The following ARID3A variants were observed in gnomAD, a reference collection of about 807,000 sequenced individuals.
ARID3A encodes AT-rich interactive domain-containing protein 3A.
In ARID3A, 11 loss-of-function variants were observed where a neutral mutation model predicts 52.7. The ratio of observed to expected loss-of-function variants is 0.21; its 90% CI spans 0.13 to 0.35. The LOEUF is 0.35. Ranked by LOEUF, ARID3A falls within the 10% of genes least tolerant of loss-of-function variation. The pLI is 1.00. For missense variants in ARID3A, 721 were observed against 838.5 expected, an observed-to-expected ratio of 0.86 and a Z score of 1.73; for synonymous variants, 404 against 359.4, an observed-to-expected ratio of 1.12 and a Z score of -1.40.
At position 944,241 on chromosome 19, in the gene ARID3A, C is replaced by T. The variant is rs947724805; in HGVS notation, c.693+11499C>T. Among the ~76,000 whole-genome samples, 4 of 152,064 alleles carry T rather than the reference C, an allele frequency of 2.6e-5. No individual in the cohort carries two copies. Among genetic ancestry groups the T allele is most frequent in the Admixed American group, 6.5e-5 (1 of 15,288 alleles). On this transcript the variant is annotated intron_variant, in intron 3 of 8. Coordinates refer to ENST00000263620, the MANE Select transcript of ARID3A (RefSeq NM_005224.3). This position sits in a 1 kb window ranked among gnomAD's most constrained non-coding sequence, Gnocchi z 5.9. ...GGCACTGGAGTCCTGACGTCGGCAG[C>T]GCGGTGGAGGGCGGGCCTGTCTCGC...
chr19:955,670 G>C (rs572917679), intron 3 of ARID3A, among the ~76,000 whole-genome samples: 3 of 152,276 alleles, frequency 2.0e-5, no homozygotes, highest in African/African-American at 7.2e-5. Flanking sequence ...ACTGAGGCAG[G>C]AGGTGCGGTG....
rs113686728 is a variant in ARID3A, at chr19:965,527, C to CA, written c.1198+464dup. Among the ~76,000 whole-genome samples, 949 of 125,360 alleles carry CA rather than the reference C, an allele frequency of 7.6e-3. 4 individuals carry two copies. Among genetic ancestry groups the CA allele is most frequent in the South Asian group, 0.02 (78 of 3,898 alleles). 82.2% of individuals were successfully genotyped at this position (125,360 alleles called of 152,430 possible). On this transcript the variant is annotated intron_variant, in intron 6 of 8. Transcript: ENST00000263620. ...TGGGCAACATAGTGAGACCCCATCT[C>CA]AAAAAAAAAAAAAAAAATTAGCTGG...
intron 3 of ARID3A, among the ~76,000 whole-genome samples, chr19:957,823 A>C (rs547098703): frequency 6.8e-6 from 1 of 147,654 alleles, no homozygotes; most frequent in East Asian, 2.0e-4. Context: ...CAGGCTGGGC[A>C]ACAGAGTGAG....
intron 1 of ARID3A, chr19:928,118 G>C (rs925058487): frequency 5.9e-5 from 9 of 152,344 alleles, no homozygotes; most frequent in African/African-American, 9.7e-5. Flanking sequence ...CAGGAGCTGT[G>C]TATGAGTCTT....
chr19:943,474 A>C (rs2037601307), intron 3 of ARID3A, among the ~76,000 whole-genome samples: 1 of 152,020 alleles, frequency 6.6e-6, no homozygotes, highest in Non-Finnish European at 1.5e-5. Context: ...AAGCTGAGGC[A>C]GGAGAATTGT....
At chr19:935,256 C>T (rs893469364) in intron 3 of ARID3A, among the ~76,000 whole-genome samples, 8 of 152,342 alleles carry the variant, frequency 5.3e-5, no homozygotes, top group South Asian at 2.1e-4. Flanking sequence ...GGCCAGGCCG[C>T]GGCGGGGGGC....
rs771196530 is a variant in ARID3A, at chr19:932,427, A to G, written c.378A>G (p.Lys126=). The G allele has an allele frequency of 1.2e-5, 19 of 1,593,052 alleles. No homozygotes were observed. The South Asian group carries it at 1.6e-4, about 13-fold the overall frequency. ...CCTCTGCTCACCCCAGGAAGCCCAA[A>G]TGGGAGGAGGAGGAGATGGAGGAAG... is the stretch of plus-strand genomic sequence containing the variant. The part of the protein sequence containing the change: ...DMASDEDMKP[K]WEEEEMEEDL... Residue 126 remains lysine, a synonymous_variant, in exon 3 of 9, where the codon AAA becomes AAG. Coordinates refer to ENST00000263620, the MANE Select transcript of ARID3A (RefSeq NM_005224.3).
rs549000931 is a variant in ARID3A at position 974,723 on chromosome 19, G to A, written c.*2658G>A. On this transcript the variant is annotated 3_prime_UTR_variant, in exon 9 of 9. Coordinates refer to ENST00000263620, the MANE Select transcript of ARID3A (RefSeq NM_005224.3). The stretch of plus-strand genomic sequence containing the variant: ...GCCGTGCAGGGTCGAGGGCTGGGTC[G>A]TCTCCCTCGGGCTGCGTGTGTGTGT... The A allele has an allele frequency of 1.8e-4, 41 of 231,312 alleles. 1 individual carries two copies. The highest frequency in any genetic ancestry group is 2.6e-4 in the Non-Finnish European group (30 of 116,932). 14.3% of individuals were successfully genotyped at this position (231,312 alleles called of 1,614,324 possible). A position where few individuals can be genotyped will look rare whatever the true frequency, so the allele number is the denominator to read the frequency against.
chr19:940,753 TGCCGGCGTCTTCCTGGGCCTCCGGGA>T (rs1450933595), intron 3 of ARID3A, among the ~76,000 whole-genome samples: 4 of 152,026 alleles, frequency 2.6e-5, no homozygotes. Flanking sequence ...CCAGCCCTGG[TGCCGGCGTCTTCCTGGGCCTCCGGGA>T]GCCCCGGCTG....
chr19:930,778 G>A (rs1250317927), intron 2 of ARID3A, among the ~76,000 whole-genome samples: 1 of 151,508 alleles, frequency 6.6e-6, no homozygotes, highest in Non-Finnish European at 1.5e-5. Flanking sequence ...CAAAGTGCTG[G>A]GATTACAGGC....
rs2145488821 is a variant in ARID3A, at chr19:975,216, G to A, written c.*3151G>A. On this transcript the variant is annotated 3_prime_UTR_variant, in exon 9 of 9. Transcript: ENST00000263620. ...TGGGTTCTAGTTCACTTGGGACCGT[G>A]GGGCCTGGCTGCGTACTGAGTGGGT... 1 of 231,980 alleles carries A rather than the reference G, an allele frequency of 4.3e-6. No individual in the cohort carries two copies. The allele number at this position is 231,980 out of a possible 1,614,324, so 14.4% of individuals were successfully genotyped here.
chr19:937,682 C>G lies in ARID3A; in HGVS notation c.693+4940C>G, dbSNP rs185061929. 2.9e-4 allele frequency among the ~76,000 whole-genome samples: 44 copies of G among 151,006 alleles called. 1 individual carries two copies. The highest frequency in any genetic ancestry group is 1.9e-3 in the Admixed American group (28 of 15,110). On this transcript the variant is annotated intron_variant, in intron 3 of 8. Coordinates refer to ENST00000263620, the MANE Select transcript of ARID3A (RefSeq NM_005224.3). ...GGGTTCCAGTTCCTCTACATCCTCA[C>G]CACTTGTTATTGTCGACTTTTTTTT...
rs557979220 is a variant in ARID3A, at chr19:975,594, GAA to G, written c.*3541_*3542del. 3.0e-5 allele frequency: 5 copies of G among 163,968 alleles called. No homozygotes were observed. The highest frequency in any genetic ancestry group is 7.0e-5 in the Admixed American group (1 of 14,288). 10.2% of individuals were successfully genotyped at this position (163,968 alleles called of 1,614,324 possible). On this transcript the variant is annotated 3_prime_UTR_variant, in exon 9 of 9. Transcript: ENST00000263620. ...ACGCCTGAAACTCAGGTAATAGGAG[GAA>G]AAAAAAAAAAACTTAAAAAAATTTT...
intron 3 of ARID3A, among the ~76,000 whole-genome samples, chr19:933,626 C>G (rs918719048): frequency 6.6e-6 from 1 of 152,056 alleles, no homozygotes; most frequent in Non-Finnish European, 1.5e-5. Flanking sequence ...CTTCCAGAAT[C>G]CGCTCTGAGG....
chr19:934,835 T>C (rs1256653888), intron 3 of ARID3A, among the ~76,000 whole-genome samples: 3 of 152,166 alleles, frequency 2.0e-5, no homozygotes, highest in Admixed American at 2.0e-4. Context: ...CTCAAACTCC[T>C]GGGCTCAAGT....
intron 3 of ARID3A, among the ~76,000 whole-genome samples, chr19:937,480 C>T (rs62132345): frequency 0.08 from 12,185 of 152,052 alleles, 571 homozygotes; most frequent in East Asian, 0.21. Flanking sequence ...CTGTTTCTGC[C>T]TTTTGGGTTT....
At chr19:926,630 C>T (rs536803271) in intron 1 of ARID3A, among the ~76,000 whole-genome samples, 3 of 151,810 alleles carry the variant, frequency 2.0e-5, no homozygotes, top group East Asian at 3.9e-4. Flanking sequence ...ATAAAGTGTC[C>T]GCCCCAGCGC....
At chr19:937,198 A>C (rs971954434) in intron 3 of ARID3A, among the ~76,000 whole-genome samples, 1 of 152,106 alleles carries the variant, frequency 6.6e-6, no homozygotes, top group Non-Finnish European at 1.5e-5. Context: ...CGGGAGGCGG[A>C]GATTGCCGTG....
At chr19:935,372 G>A (rs2145365585) in intron 3 of ARID3A, among the ~76,000 whole-genome samples, 1 of 152,360 alleles carries the variant, frequency 6.6e-6, no homozygotes, top group South Asian at 2.1e-4. Flanking sequence ...GTGTCGGGCA[G>A]TGATTAGGAT....
Sources: allele counts gnomAD v4.1 joint callset (sites outside exome capture counted in the v4.1 genomes callset), GRCh38; gene constraint gnomAD v4.1.1; non-coding constraint Gnocchi (gnomAD v3.1); transcripts MANE v1.5; gene names NCBI Gene and HGNC (gene_info 2026-07-23, HGNC 2026-07-21).